The following LMBR1 variants were observed in gnomAD, a reference collection of about 807,000 sequenced individuals.
The protein encoded by LMBR1 is limb region 1 protein homolog.
LMBR1 carries 52 observed loss-of-function variants against 73.9 expected under a neutral mutation model. The observed-to-expected ratio is 0.70, with a 90% CI of 0.56 to 0.89. The LOEUF is 0.89. Among genes scored for constraint, LMBR1 ranks in the 40% least tolerant of loss-of-function variants. LMBR1 has a pLI of 0.00. For synonymous variants in LMBR1, 215 were observed against 209.4 expected, an observed-to-expected ratio of 1.03 and a Z score of -0.23; for missense variants, 539 against 579.8, an observed-to-expected ratio of 0.93 and a Z score of 0.72.
At chr7:156,711,134 C>T (rs1228084311) in intron 15 of LMBR1, among the ~76,000 whole-genome samples, 3 of 152,054 alleles carry the variant, frequency 2.0e-5, no homozygotes, top group Non-Finnish European at 2.9e-5. Context: ...CATGGTGAAA[C>T]CCTATCTCTA....
chr7:156,864,995 CAAAAA>C (rs1183278800), intron 1 of LMBR1, among the ~76,000 whole-genome samples: 2 of 95,286 alleles, frequency 2.1e-5, no homozygotes, highest in Non-Finnish European at 2.1e-5. Flanking sequence ...GACTCTGTCT[CAAAAA>C]AAAAAAAAAA....
At chr7:156,889,324 C>A (rs1197842935) in intron 1 of LMBR1, among the ~76,000 whole-genome samples, 1 of 151,678 alleles carries the variant, frequency 6.6e-6, no homozygotes, top group African/African-American at 2.4e-5. Context: ...ATGTATTTAA[C>A]GCCACTGAAC....
intron 15 of LMBR1, among the ~76,000 whole-genome samples, chr7:156,720,311 AAATT>A (rs1441694314): frequency 6.6e-6 from 1 of 152,226 alleles, no homozygotes; most frequent in Non-Finnish European, 1.5e-5. Context: ...GTCCTAAAGG[AAATT>A]ATTTTCCGCA....
At chr7:156,820,045 G>A (rs969478098) in intron 4 of LMBR1, among the ~76,000 whole-genome samples, 3 of 152,210 alleles carry the variant, frequency 2.0e-5, no homozygotes, top group African/African-American at 7.2e-5. Flanking sequence ...CTTGAAAGAT[G>A]CAGGGGTGGG....
At chr7:156,684,640 AC>A (rs1805628091) in intron 16 of LMBR1, among the ~76,000 whole-genome samples, 1 of 152,198 alleles carries the variant, frequency 6.6e-6, no homozygotes, top group South Asian at 2.1e-4. Flanking sequence ...CGAGACAGAT[AC>A]GTTCCCACTT....
Position 156,728,652 on chromosome 7 carries a change from TAAG to T in LMBR1, c.904_906del (p.Leu302del). On this transcript the variant is annotated inframe_deletion, in exon 11 of 17. Transcript: ENST00000353442. ...GGCAAATAAATTCTTACTGTCTCAATAAGAAGGAGAACCATAACAGCGGGATAC... is the reference window on the plus strand; with the variant it reads ...GGCAAATAAATTCTTACTGTCTCAATAAGGAGAACCATAACAGCGGGATAC... 6.3e-7 allele frequency: 1 copy of T among 1,592,242 alleles called. No individual in the cohort carries two copies. The highest frequency in any genetic ancestry group is 1.2e-5 in the South Asian group (1 of 85,616).
At chr7:156,717,480 G>C (rs1563200575) in intron 15 of LMBR1, among the ~76,000 whole-genome samples, 1 of 152,144 alleles carries the variant, frequency 6.6e-6, no homozygotes, top group Non-Finnish European at 1.5e-5. Context: ...CACAGCTAAG[G>C]AATGGCCAGA....
At chr7:156,872,150 T>C (rs961493480) in intron 1 of LMBR1, 1 of 152,150 alleles carries the variant, frequency 6.6e-6, no homozygotes, top group Non-Finnish European at 1.5e-5. Flanking sequence ...GGAAAACTTT[T>C]CCTGATACCC....
intron 4 of LMBR1, among the ~76,000 whole-genome samples, chr7:156,672,563 A>C (rs910406392): frequency 3.3e-5 from 5 of 152,192 alleles, no homozygotes; most frequent in African/African-American, 1.2e-4. Context: ...AGTCCTAATG[A>C]TGCTGTCTTT....
At chr7:156,704,434 T>C (rs540708096) in intron 15 of LMBR1, among the ~76,000 whole-genome samples, 49 of 151,942 alleles carry the variant, frequency 3.2e-4, no homozygotes, top group African/African-American at 1.2e-3. Flanking sequence ...CATGGTCACA[T>C]AGTCAAGAAA....
At chr7:156,739,031 C>T (rs2132560687) in intron 9 of LMBR1, among the ~76,000 whole-genome samples, 1 of 152,202 alleles carries the variant, frequency 6.6e-6, no homozygotes, top group Middle Eastern at 3.4e-3. Flanking sequence ...TCTTGGGGCC[C>T]CCGAAACCAG....
chr7:156,759,540 T>C (rs900161884), intron 8 of LMBR1, among the ~76,000 whole-genome samples: 1 of 152,194 alleles, frequency 6.6e-6, no homozygotes, highest in African/African-American at 2.4e-5. Context: ...TAAAATGAAA[T>C]TATGTGTGTA....
chr7:156,770,010 T>A (rs1824886226), intron 5 of LMBR1, among the ~76,000 whole-genome samples: 1 of 152,126 alleles, frequency 6.6e-6, no homozygotes, highest in Admixed American at 6.5e-5. Context: ...CACCACTCTA[T>A]CAGTCTGTGA....
chr7:156,815,657 T>C (rs1833800294), intron 4 of LMBR1, among the ~76,000 whole-genome samples: 1 of 152,152 alleles, frequency 6.6e-6, no homozygotes, highest in South Asian at 2.1e-4. Flanking sequence ...GGCTCACTCA[T>C]TAGCCACGTG....
intron 4 of LMBR1, among the ~76,000 whole-genome samples, chr7:156,799,201 CAAA>C (rs1164708033): frequency 8.0e-6 from 1 of 125,498 alleles, no homozygotes; most frequent in African/African-American, 3.0e-5. Context: ...GACTCCATCT[CAAA>C]AAAAAAAAAA....
chr7:156,757,264 T>C (rs950261117), intron 8 of LMBR1, among the ~76,000 whole-genome samples: 4 of 152,236 alleles, frequency 2.6e-5, no homozygotes, highest in African/African-American at 9.6e-5. Flanking sequence ...CTACATAATG[T>C]CTAAAACAAG....
chr7:156,727,766 A>G (rs1356817832), intron 12 of LMBR1, among the ~76,000 whole-genome samples, 164 bp downstream of exon 12: 1 of 152,236 alleles, frequency 6.6e-6, no homozygotes, highest in African/African-American at 2.4e-5. Flanking sequence ...AGAAACAAAA[A>G]TCACAGTTTA....
chr7:156,688,316 T>C, intron 15 of LMBR1, 125 bp from the exon 16 acceptor site: 1 of 628,270 alleles, frequency 1.6e-6, no homozygotes, highest in Non-Finnish European at 2.6e-6. Context: ...TGAGATGCTC[T>C]AATGAATAAA....
intron 15 of LMBR1, among the ~76,000 whole-genome samples, 200 bp downstream of exon 15, chr7:156,723,912 A>G (rs1815150387): frequency 6.6e-6 from 1 of 152,190 alleles, no homozygotes; most frequent in Non-Finnish European, 1.5e-5. Flanking sequence ...AGTGTTTAAA[A>G]AATAAGTAGT....
Sources: allele counts gnomAD v4.1 joint callset (sites outside exome capture counted in the v4.1 genomes callset), GRCh38; gene constraint gnomAD v4.1.1; transcripts MANE v1.5; gene names NCBI Gene and HGNC (gene_info 2026-07-23, HGNC 2026-07-21).